Variants in RASGRF2 observed in about 807,000 individuals in gnomAD.
RASGRF2 encodes Ras protein specific guanine nucleotide releasing factor 2, also known as ras-specific guanine nucleotide-releasing factor 2.
A neutral mutation model predicts 151.0 loss-of-function variants in RASGRF2; 76 were observed. That is an observed-to-expected ratio of 0.50 (90% confidence interval 0.42 to 0.61). RASGRF2 has a LOEUF of 0.61. RASGRF2 is among the 20% of genes least tolerant of loss of function. The probability of loss-of-function intolerance (pLI) is 0.00; values close to 1 mark genes in which losing one functional copy is unlikely to be tolerated. For synonymous variants in RASGRF2, 504 were observed against 566.5 expected (o/e 0.89, Z 1.57); for missense variants, 1,148 against 1,564.6 (o/e 0.73, Z 4.49).
At chr5:81,037,697 G>A (rs1282407589) in intron 1 of RASGRF2, among the ~76,000 whole-genome samples, 1 of 152,144 alleles carries the variant, frequency 6.6e-6, no homozygotes, top group Admixed American at 6.6e-5. Context: ...GGCAAAAAAT[G>A]TTAAAAGGTG....
At chr5:81,056,930 A>T (rs1157025352) in intron 2 of RASGRF2, among the ~76,000 whole-genome samples, 1 of 151,948 alleles carries the variant, frequency 6.6e-6, no homozygotes. Flanking sequence ...AGTCTGTTTT[A>T]TCAGAGACTA....
chr5:81,211,059 G>T (rs940282616), intron 22 of RASGRF2, among the ~76,000 whole-genome samples: 1 of 151,270 alleles, frequency 6.6e-6, no homozygotes, highest in Non-Finnish European at 1.5e-5. Flanking sequence ...TGAGAGGATC[G>T]CTTGAGCCCT....
intron 12 of RASGRF2, among the ~76,000 whole-genome samples, chr5:81,098,093 G>A (rs907580716): frequency 6.6e-6 from 1 of 152,142 alleles, no homozygotes; most frequent in African/African-American, 2.4e-5. Context: ...AGGGATCTGA[G>A]CCTGGATTCA....
chr5:80,989,127 C>T (rs1198786381), intron 1 of RASGRF2, among the ~76,000 whole-genome samples: 1 of 152,020 alleles, frequency 6.6e-6, no homozygotes, highest in Admixed American at 6.6e-5. Flanking sequence ...ACAGGCATCA[C>T]GCCTGGCTAA....
chr5:81,192,587 T>A (rs1260121675), intron 18 of RASGRF2, among the ~76,000 whole-genome samples: 1 of 152,102 alleles, frequency 6.6e-6, no homozygotes, highest in Non-Finnish European at 1.5e-5. Flanking sequence ...GGCGAGCGGG[T>A]CCCCTGCAGA....
intron 2 of RASGRF2, among the ~76,000 whole-genome samples, chr5:81,057,381 C>G (rs1751254795): frequency 6.6e-6 from 1 of 152,140 alleles, no homozygotes; most frequent in Non-Finnish European, 1.5e-5. Flanking sequence ...GGCCCAGCAA[C>G]AACAACTTTT....
intron 25 of RASGRF2, among the ~76,000 whole-genome samples, chr5:81,219,039 A>C (rs1755803157): frequency 6.6e-6 from 1 of 151,184 alleles, no homozygotes; most frequent in Non-Finnish European, 1.5e-5. Context: ...CCAGTGATAG[A>C]CACTTGCTGA....
intron 16 of RASGRF2, among the ~76,000 whole-genome samples, chr5:81,124,268 T>A (rs1753392159): frequency 6.6e-6 from 1 of 152,246 alleles, no homozygotes; most frequent in Admixed American, 6.5e-5. Flanking sequence ...GTAATGTTAC[T>A]GTAGGACCAA....
At chr5:81,022,572 C>T (rs1372128697) in intron 1 of RASGRF2, among the ~76,000 whole-genome samples, 1 of 152,184 alleles carries the variant, frequency 6.6e-6, no homozygotes, top group Non-Finnish European at 1.5e-5. Context: ...GCTCCTCATT[C>T]TTCTCTAGGA....
chr5:81,219,348 T>G (rs1431545563), intron 25 of RASGRF2, among the ~76,000 whole-genome samples: 1 of 152,104 alleles, frequency 6.6e-6, no homozygotes, highest in African/African-American at 2.4e-5. Flanking sequence ...CCCAAAGTGC[T>G]GGGATTACAG....
intron 1 of RASGRF2, among the ~76,000 whole-genome samples, chr5:80,961,779 T>G (rs1468708629): frequency 6.6e-6 from 1 of 152,208 alleles, no homozygotes; most frequent in Non-Finnish European, 1.5e-5. Flanking sequence ...TTTTGCTGTG[T>G]GCTCATGGTC....
At position 81,181,996 on chromosome 5, in the gene RASGRF2, A is replaced by G. The variant is rs562349901; in HGVS notation, c.2793+1715A>G. On this transcript the variant is annotated intron_variant, in intron 18 of 26. Transcript: ENST00000265080. ...AAAAATTCATAGATGGGGAGAGATT[A>G]GTGTATGGAAGCCCTTTACAATAAA... Among the ~76,000 whole-genome samples the G allele has an allele frequency of 6.6e-5, 10 of 152,346 alleles. No homozygotes were observed. The East Asian group carries it at 1.7e-3, about 26-fold the overall frequency.
In RASGRF2 at chr5:81,113,561, CCAGCCAGAACAA is replaced by C. The variant is rs1404678056; in HGVS notation, c.2115_2126del (p.Ser705_Asn708del). ...AGGTCATTGGAATTGTTTTTTGCTA[CCAGCCAGAACAA>C]CAGAGGTGAACATTTGGTGGATGGC... is the stretch of plus-strand genomic sequence containing the variant. On this transcript the variant is annotated inframe_deletion, in exon 15 of 27. Coordinates refer to ENST00000265080, the MANE Select transcript of RASGRF2 (RefSeq NM_006909.3). 6.2e-7 allele frequency: 1 copy of C among 1,610,222 alleles called. No homozygotes were observed. The highest frequency in any genetic ancestry group is 8.5e-7 in the Non-Finnish European group (1 of 1,177,298).
intron 9 of RASGRF2, chr5:81,087,671 T>C: frequency 2.5e-6 from 1 of 392,364 alleles, no homozygotes; most frequent in Non-Finnish European, 4.6e-6. Context: ...TCCCAAGTTA[T>C]TTTTTTAGTG....
chr5:80,971,913 T>A (rs1048746943), intron 1 of RASGRF2, among the ~76,000 whole-genome samples: 5 of 151,722 alleles, frequency 3.3e-5, no homozygotes, highest in South Asian at 4.2e-4. Flanking sequence ...TTTATTTTTT[T>A]ATTTTTTAGA....
chr5:80,974,485 ATCTGTGCCAGGGCCTCATTGAGCC>A (rs1169472522), intron 1 of RASGRF2, among the ~76,000 whole-genome samples: 7 of 152,332 alleles, frequency 4.6e-5, no homozygotes, highest in Non-Finnish European at 1.0e-4. Flanking sequence ...CATTTAGGAA[ATCTGTGCCAGGGCCTCATTGAGCC>A]AGTGTCTTTG....
intron 17 of RASGRF2, among the ~76,000 whole-genome samples, chr5:81,152,797 CTA>C (rs749414900): frequency 1.2e-4 from 18 of 152,336 alleles, no homozygotes; most frequent in Non-Finnish European, 2.1e-4. Context: ...CAGTGGGTGT[CTA>C]TGGCATTTTA....
intron 5 of RASGRF2, 129 bp from the exon 6 acceptor site, chr5:81,079,992 T>A (rs1437759494): frequency 8.5e-7 from 1 of 1,182,914 alleles, no homozygotes; most frequent in Non-Finnish European, 1.1e-6. Context: ...CATGTTATTA[T>A]TGGGTATAGT....
chr5:81,023,873 T>C (rs1749916844), intron 1 of RASGRF2, among the ~76,000 whole-genome samples: 1 of 152,358 alleles, frequency 6.6e-6, no homozygotes, highest in African/African-American at 2.4e-5. Flanking sequence ...GTTATAAGAT[T>C]GCCCTTTAAG....
Sources: gnomAD v4.1 joint callset for allele counts (sites outside exome capture counted in the v4.1 genomes callset) on GRCh38, gnomAD v4.1.1 for gene constraint, MANE v1.5 for transcripts, NCBI Gene and HGNC (gene_info 2026-07-23, HGNC 2026-07-21) for gene names.